The following NELL2 variants were observed in gnomAD, a reference collection of about 807,000 sequenced individuals.
NELL2 encodes protein kinase C-binding protein NELL2.
In NELL2, 41 loss-of-function variants were observed where a neutral mutation model predicts 109.6. That is an observed-to-expected ratio of 0.37 (90% CI 0.29 to 0.49). The LOEUF (loss-of-function observed/expected upper bound fraction) is 0.49. NELL2 is among the 20% of genes least tolerant of loss of function. The pLI, the probability that NELL2 is intolerant of heterozygous loss-of-function variation, is 0.98. For synonymous variants in NELL2, 355 were observed against 344.7 expected (o/e 1.03, Z -0.33); for missense variants, 900 against 1,008.3 (o/e 0.89, Z 1.45).
At chr12:44,682,536 G>C (rs553161610) in intron 12 of NELL2, among the ~76,000 whole-genome samples, 1 of 152,128 alleles carries the variant, frequency 6.6e-6, no homozygotes, top group Non-Finnish European at 1.5e-5. Flanking sequence ...TTCTTCTAGG[G>C]TTTTTATTGT....
chr12:44,920,342 T>A (rs1000442780), intron 1 of NELL2, among the ~76,000 whole-genome samples: 1 of 152,148 alleles, frequency 6.6e-6, no homozygotes, highest in African/African-American at 2.4e-5. Flanking sequence ...ATTGTTATAT[T>A]TGCATATTTA....
chr12:44,891,040 A>G (rs1212585359), intron 1 of NELL2, among the ~76,000 whole-genome samples: 1 of 152,044 alleles, frequency 6.6e-6, no homozygotes, highest in Non-Finnish European at 1.5e-5. Context: ...GGGTTCATAC[A>G]TTTCATTATG....
chr12:44,837,012 G>A (rs1944073890), intron 2 of NELL2, among the ~76,000 whole-genome samples: 1 of 152,162 alleles, frequency 6.6e-6, no homozygotes. Flanking sequence ...GATCCTCAAG[G>A]TTAGGGGCCA....
At chr12:44,854,282 G>A (rs1944612272) in intron 2 of NELL2, among the ~76,000 whole-genome samples, 2 of 152,106 alleles carry the variant, frequency 1.3e-5, no homozygotes, top group Non-Finnish European at 2.9e-5. Context: ...AAGAAATAAA[G>A]TAGATCACTA....
At chr12:44,569,331 C>T (rs1477120077) in intron 15 of NELL2, among the ~76,000 whole-genome samples, 1 of 152,088 alleles carries the variant, frequency 6.6e-6, no homozygotes, top group East Asian at 1.9e-4. Flanking sequence ...GTAAATAGTG[C>T]TGCGATTAAC....
chr12:44,655,289 C>T (rs78384578), intron 13 of NELL2, among the ~76,000 whole-genome samples: 195 of 152,220 alleles, frequency 1.3e-3, no homozygotes, highest in Non-Finnish European at 2.0e-3. Flanking sequence ...AAACTATGGC[C>T]AGCTGGGCTG....
At chr12:44,671,308 C>G (rs1948130895) in intron 12 of NELL2, among the ~76,000 whole-genome samples, 2 of 152,044 alleles carry the variant, frequency 1.3e-5, no homozygotes, top group Admixed American at 1.3e-4. Context: ...AAGAGGGAAA[C>G]TTATAGTAAT....
chr12:44,747,932 T>C (rs1940467304), intron 9 of NELL2, among the ~76,000 whole-genome samples: 1 of 152,164 alleles, frequency 6.6e-6, no homozygotes, highest in Non-Finnish European at 1.5e-5. Flanking sequence ...GATAAATTCA[T>C]TTGACTAACC....
intron 2 of NELL2, among the ~76,000 whole-genome samples, chr12:44,865,306 C>T (rs992249193): frequency 1.4e-5 from 2 of 146,672 alleles, no homozygotes; most frequent in African/African-American, 2.5e-5. Flanking sequence ...AAAATTTTCT[C>T]CCATGTTGTA....
At chr12:44,827,415 T>G (rs1011015259) in intron 2 of NELL2, among the ~76,000 whole-genome samples, 17 of 150,832 alleles carry the variant, frequency 1.1e-4, no homozygotes, top group African/African-American at 4.1e-4. Context: ...CTAACTGTTT[T>G]TTTTTTTTTT....
chr12:44,745,178 T>C (rs1265880581), intron 9 of NELL2, among the ~76,000 whole-genome samples: 1 of 152,180 alleles, frequency 6.6e-6, no homozygotes, highest in African/African-American at 2.4e-5. Context: ...TAATCCAGCA[T>C]ATAAACGGAA....
At chr12:44,756,940 A>G (rs1940915736) in intron 9 of NELL2, among the ~76,000 whole-genome samples, 1 of 152,112 alleles carries the variant, frequency 6.6e-6, no homozygotes, top group South Asian at 2.1e-4. Flanking sequence ...TTTCTTCTAA[A>G]CATCAGACTT....
intron 2 of NELL2, among the ~76,000 whole-genome samples, chr12:44,854,797 C>T (rs1204954423): frequency 6.7e-6 from 1 of 149,978 alleles, no homozygotes; most frequent in Non-Finnish European, 1.5e-5. Context: ...GATAGCTATT[C>T]CAAAAAAAAA....
At chr12:44,619,590 T>G (rs1321804488) in intron 13 of NELL2, among the ~76,000 whole-genome samples, 2 of 150,990 alleles carry the variant, frequency 1.3e-5, no homozygotes, top group African/African-American at 4.9e-5. Flanking sequence ...TGTGCAACAC[T>G]GAGAGAAGGA....
chr12:44,530,774 C>A (rs569584949), intron 16 of NELL2, among the ~76,000 whole-genome samples: 1 of 152,148 alleles, frequency 6.6e-6, no homozygotes, highest in African/African-American at 2.4e-5. Context: ...CCCACTCCCC[C>A]CATTACCACT....
intron 13 of NELL2, among the ~76,000 whole-genome samples, chr12:44,657,347 G>T (rs1947543432): frequency 6.6e-6 from 1 of 152,080 alleles, no homozygotes. Context: ...GTGCGGATGT[G>T]CATGCATCTG....
intron 13 of NELL2, among the ~76,000 whole-genome samples, chr12:44,654,860 G>T (rs902497565): frequency 1.3e-5 from 2 of 152,148 alleles, no homozygotes; most frequent in Admixed American, 1.3e-4. Flanking sequence ...ATGGGAAGAC[G>T]AACTCTGCTC....
chr12:44,764,242 C>G (rs1476781193), intron 9 of NELL2, among the ~76,000 whole-genome samples: 2 of 152,066 alleles, frequency 1.3e-5, no homozygotes, highest in Non-Finnish European at 2.9e-5. Flanking sequence ...TTTCTCTATT[C>G]TTTATTTATC....
intron 16 of NELL2, among the ~76,000 whole-genome samples, chr12:44,528,255 G>T (rs1016369481): frequency 6.6e-6 from 1 of 151,258 alleles, no homozygotes; most frequent in Non-Finnish European, 1.5e-5. Context: ...TTTAAATAAG[G>T]TTTTTCACTG....
Sources: gnomAD v4.1 joint callset for allele counts (sites outside exome capture counted in the v4.1 genomes callset) on GRCh38, gnomAD v4.1.1 for gene constraint, MANE v1.5 for transcripts, NCBI Gene and HGNC (gene_info 2026-07-23, HGNC 2026-07-21) for gene names.